Variants in NLK observed in about 807,000 individuals in gnomAD.
The protein encoded by NLK is serine/threonine-protein kinase NLK.
In NLK, 11 loss-of-function variants were observed where a neutral mutation model predicts 59.0. The ratio of observed to expected loss-of-function variants is 0.19; its 90% CI spans 0.12 to 0.31. The LOEUF (loss-of-function observed/expected upper bound fraction) is 0.31, where lower values mean the gene tolerates loss of function less well. Among genes scored for constraint, NLK ranks in the 10% least tolerant of loss-of-function variants. The probability of loss-of-function intolerance (pLI) is 1.00; values close to 1 mark genes in which losing one functional copy is unlikely to be tolerated. For synonymous variants in NLK, 235 were observed against 235.9 expected, an observed-to-expected ratio of 1.00 and a Z score of 0.03; for missense variants, 410 against 661.1, an observed-to-expected ratio of 0.62 and a Z score of 4.16.
At chr17:28,171,957 G>A (rs1438102843) in intron 6 of NLK, among the ~76,000 whole-genome samples, 4 of 150,068 alleles carry the variant, frequency 2.7e-5, no homozygotes, top group Non-Finnish European at 5.9e-5. Context: ...TTAAATAATA[G>A]GATAAATAGG....
chr17:28,143,264 G>A (rs930215912), intron 3 of NLK, among the ~76,000 whole-genome samples: 20 of 151,906 alleles, frequency 1.3e-4, no homozygotes, highest in African/African-American at 4.3e-4. Flanking sequence ...GGATGGTCTC[G>A]CTCTCCTGAC....
rs1909461758 is a variant in NLK, at chr17:28,195,664, A to G, written c.*1028A>G. On this transcript the variant is annotated 3_prime_UTR_variant, in exon 11 of 11. Coordinates refer to ENST00000407008, the MANE Select transcript of NLK (RefSeq NM_016231.5). Reference sequence around the variant, plus strand: ...TCTTGAAATGTCACAGTAGTAAATAACTTATTACTTTTTGACAAGTTCTTT... The same window carrying G: ...TCTTGAAATGTCACAGTAGTAAATAGCTTATTACTTTTTGACAAGTTCTTT... 6.6e-6 allele frequency: 1 copy of G among 152,624 alleles called. No individual in the cohort carries two copies. The highest frequency in any genetic ancestry group is 1.5e-5 in the Non-Finnish European group (1 of 68,046). The allele number at this position is 152,624 out of a possible 1,614,324, so 9.5% of individuals were successfully genotyped here.
chr17:28,111,605 A>G (rs1051881278), intron 1 of NLK, among the ~76,000 whole-genome samples: 11 of 151,842 alleles, frequency 7.2e-5, no homozygotes, highest in African/African-American at 2.7e-4. Flanking sequence ...TCTGGTTCTG[A>G]TTTTCCTCAC....
chr17:28,109,324 A>G (rs1905361983), intron 1 of NLK, among the ~76,000 whole-genome samples: 1 of 152,372 alleles, frequency 6.6e-6, no homozygotes, highest in East Asian at 1.9e-4. Flanking sequence ...AATAGGGCCT[A>G]CAATATTGTA....
At chr17:28,181,865 C>G (rs1004666963) in intron 7 of NLK, among the ~76,000 whole-genome samples, 7 of 152,148 alleles carry the variant, frequency 4.6e-5, no homozygotes, top group Middle Eastern at 3.4e-3. Flanking sequence ...CAAAAATTAG[C>G]TGGGTGTGGT....
At chr17:28,069,512 T>A (rs1435292640) in intron 1 of NLK, among the ~76,000 whole-genome samples, 1 of 152,248 alleles carries the variant, frequency 6.6e-6, no homozygotes, top group East Asian at 1.9e-4. Context: ...CCAGCAAAGA[T>A]GAGAGTTCTA....
intron 1 of NLK, among the ~76,000 whole-genome samples, chr17:28,075,241 A>G (rs1597665954): frequency 6.6e-6 from 1 of 152,356 alleles, no homozygotes; most frequent in South Asian, 2.1e-4. Context: ...ATGTTATTCC[A>G]AAAGAAACCT....
At position 28,043,311 on chromosome 17, in the gene NLK, T is replaced by C. The variant is rs753175953; in HGVS notation, c.438T>C (p.Tyr146=). ...LDIEPDRPIG[Y]GAFGVVWSVT... is the part of the protein sequence containing the mutation. ...TTGAGCCGGATAGACCTATTGGATA[T>C]GGAGCCTTTGGTGTTGTCTGGTGAG... is the stretch of plus-strand genomic sequence containing the variant. Residue 146 remains tyrosine, a synonymous_variant, in exon 1 of 11, where the codon TAT becomes TAC. Transcript: ENST00000407008. 3 of 1,567,894 alleles carry C rather than the reference T, an allele frequency of 1.9e-6. No homozygotes were observed. The Admixed American group carries it at 6.0e-5, about 31-fold the overall frequency.
chr17:28,082,212 C>G (rs1597669736), intron 1 of NLK, among the ~76,000 whole-genome samples: 1 of 152,176 alleles, frequency 6.6e-6, no homozygotes, highest in Middle Eastern at 3.4e-3. Flanking sequence ...CTGAAATTCA[C>G]GTTGTTTTTT....
chr17:28,081,409 C>T (rs780147379), intron 1 of NLK, among the ~76,000 whole-genome samples: 1 of 151,852 alleles, frequency 6.6e-6, no homozygotes, highest in Non-Finnish European at 1.5e-5. Flanking sequence ...GTTGCCCAGA[C>T]TCACTTTTTA....
intron 3 of NLK, among the ~76,000 whole-genome samples, chr17:28,134,816 G>A (rs1349715733): frequency 2.6e-5 from 4 of 151,824 alleles, no homozygotes; most frequent in Non-Finnish European, 5.9e-5. Context: ...TGGCCAGATG[G>A]TTCTGACAAA....
At chr17:28,185,076 T>C (rs887029451) in intron 7 of NLK, 103 bp from the exon 8 acceptor site, 18 of 480,032 alleles carry the variant, frequency 3.7e-5, no homozygotes, top group Non-Finnish European at 6.0e-5. Context: ...TAGACACACA[T>C]TGCCTTTTGA....
At chr17:28,159,647 A>G (rs1288157179) in intron 3 of NLK, among the ~76,000 whole-genome samples, 2 of 152,232 alleles carry the variant, frequency 1.3e-5, no homozygotes, top group African/African-American at 4.8e-5. Flanking sequence ...AGTAGAATAT[A>G]TTTCTTTGGA....
intron 7 of NLK, among the ~76,000 whole-genome samples, chr17:28,175,888 A>G (rs1908657425): frequency 6.6e-6 from 1 of 152,236 alleles, no homozygotes; most frequent in Non-Finnish European, 1.5e-5. Flanking sequence ...AATATTTTAT[A>G]ACAGAAAAAT....
At chr17:28,134,999 G>C (rs982331995) in intron 3 of NLK, among the ~76,000 whole-genome samples, 1 of 152,166 alleles carries the variant, frequency 6.6e-6, no homozygotes, top group Non-Finnish European at 1.5e-5. Context: ...GAGCTGGTGG[G>C]AATGGATCAC....
intron 1 of NLK, among the ~76,000 whole-genome samples, chr17:28,044,742 T>C (rs1167657140): frequency 2.0e-5 from 3 of 152,162 alleles, no homozygotes; most frequent in African/African-American, 7.2e-5. Flanking sequence ...CAAGCTTTGG[T>C]TGGGGGATGG....
At position 28,050,358 on chromosome 17, in the gene NLK, A is replaced by G. The variant is rs184535931; in HGVS notation, c.458+7027A>G. On this transcript the variant is annotated intron_variant, in intron 1 of 10. Coordinates refer to ENST00000407008, the MANE Select transcript of NLK (RefSeq NM_016231.5). ...CAGTGGGTGGTAGGAAGTGTAAGCT[A>G]GAGCTCAATCATGAAGAGGTTGGAA... is the stretch of plus-strand genomic sequence containing the variant. Among the ~76,000 whole-genome samples the G allele has an allele frequency of 3.9e-4, 60 of 152,330 alleles. No homozygotes were observed. In the East Asian group the frequency reaches 0.011, roughly 29 times the overall value.
At chr17:28,158,958 A>T (rs1030809063) in intron 3 of NLK, among the ~76,000 whole-genome samples, 5 of 152,216 alleles carry the variant, frequency 3.3e-5, no homozygotes, top group African/African-American at 9.6e-5. Flanking sequence ...GACCACCTTT[A>T]TACATGTGGT....
chr17:28,057,300 G>A (rs1240626512), intron 1 of NLK, among the ~76,000 whole-genome samples: 1 of 152,080 alleles, frequency 6.6e-6, no homozygotes, highest in Non-Finnish European at 1.5e-5. Context: ...GCGGAGGTTG[G>A]GTTATGATTA....
Sources: allele counts gnomAD v4.1 joint callset (sites outside exome capture counted in the v4.1 genomes callset), GRCh38; gene constraint gnomAD v4.1.1; transcripts MANE v1.5; gene names NCBI Gene and HGNC (gene_info 2026-07-23, HGNC 2026-07-21).